The following KLHL1 variants were observed in gnomAD, a reference collection of about 807,000 sequenced individuals.
The protein encoded by KLHL1 is kelch-like protein 1.
In KLHL1, 47 loss-of-function variants were observed where a neutral mutation model predicts 77.7. That is an observed-to-expected ratio of 0.60 (90% CI 0.48 to 0.77). The LOEUF (loss-of-function observed/expected upper bound fraction) is 0.77. Among genes scored for constraint, KLHL1 ranks in the 30% least tolerant of loss-of-function variants. The probability of loss-of-function intolerance (pLI) is 0.00; values close to 1 mark genes in which losing one functional copy is unlikely to be tolerated. For missense variants in KLHL1, 925 were observed against 910.8 expected, an observed-to-expected ratio of 1.02 and a Z score of -0.20; for synonymous variants, 360 against 325.2, an observed-to-expected ratio of 1.11 and a Z score of -1.15.
intron 2 of KLHL1, among the ~76,000 whole-genome samples, chr13:69,969,993 CT>C (rs1884331977): frequency 6.6e-6 from 1 of 151,934 alleles, no homozygotes; most frequent in Non-Finnish European, 1.5e-5. Context: ...CCTCCCATTC[CT>C]TTTTTAAATC....
chr13:69,754,222 C>G (rs1029471735), intron 7 of KLHL1, among the ~76,000 whole-genome samples: 1 of 151,990 alleles, frequency 6.6e-6, no homozygotes, highest in African/African-American at 2.4e-5. Context: ...TAATGAGACT[C>G]AATATAATTT....
At chr13:70,052,949 CT>C (rs1886663054) in intron 1 of KLHL1, among the ~76,000 whole-genome samples, 1 of 151,908 alleles carries the variant, frequency 6.6e-6, no homozygotes, top group African/African-American at 2.4e-5. Context: ...ATGATATGGA[CT>C]CATGAAAAAA....
At chr13:69,726,453 A>G (rs529886059) in intron 8 of KLHL1, among the ~76,000 whole-genome samples, 15 of 152,282 alleles carry the variant, frequency 9.9e-5, no homozygotes, top group African/African-American at 3.6e-4. Context: ...GCTTTACAGG[A>G]CAGTGAGTGG....
At chr13:69,767,244 T>C (rs1012346516) in intron 7 of KLHL1, among the ~76,000 whole-genome samples, 24 of 152,186 alleles carry the variant, frequency 1.6e-4, no homozygotes, top group Admixed American at 4.6e-4. Context: ...TTTTAACTGA[T>C]GTAAAAATTC....
intron 6 of KLHL1, among the ~76,000 whole-genome samples, chr13:69,815,711 T>G (rs976675128): frequency 6.6e-6 from 1 of 151,778 alleles, no homozygotes; most frequent in Non-Finnish European, 1.5e-5. Flanking sequence ...AATCTAAAAT[T>G]TTTTAAAAAA....
intron 7 of KLHL1, among the ~76,000 whole-genome samples, chr13:69,746,033 T>C (rs1000486916): frequency 4.6e-5 from 7 of 151,736 alleles, no homozygotes; most frequent in African/African-American, 1.7e-4. Flanking sequence ...AGAACTTTTT[T>C]ATATATATTA....
chr13:70,017,816 G>A (rs1234426702), intron 1 of KLHL1, among the ~76,000 whole-genome samples: 1 of 152,168 alleles, frequency 6.6e-6, no homozygotes, highest in Non-Finnish European at 1.5e-5. Flanking sequence ...GTGAAATATT[G>A]TGGCTAAACC....
chr13:69,892,889 G>T (rs1234735100), intron 4 of KLHL1, among the ~76,000 whole-genome samples: 1 of 152,094 alleles, frequency 6.6e-6, no homozygotes, highest in Non-Finnish European at 1.5e-5. Flanking sequence ...AGGTCTAAAT[G>T]GTCTCCACAG....
At chr13:69,807,098 A>C (rs1436539929) in intron 6 of KLHL1, among the ~76,000 whole-genome samples, 1 of 152,156 alleles carries the variant, frequency 6.6e-6, no homozygotes, top group African/African-American at 2.4e-5. Flanking sequence ...ACATGAGTGC[A>C]ACTGTCACCT....
chr13:69,838,871 T>A, intron 6 of KLHL1, 105 bp downstream of exon 6: 1 of 639,954 alleles, frequency 1.6e-6, no homozygotes, highest in Middle Eastern at 4.6e-4. Flanking sequence ...TTACAATAAT[T>A]AAAGCTGAGT....
At chr13:70,085,650 G>T (rs1887517910) in intron 1 of KLHL1, among the ~76,000 whole-genome samples, 1 of 152,016 alleles carries the variant, frequency 6.6e-6, no homozygotes, top group South Asian at 2.1e-4. Flanking sequence ...GATCACCTGA[G>T]GTCAGGAGTT....
At chr13:70,057,389 C>T (rs964486773) in intron 1 of KLHL1, among the ~76,000 whole-genome samples, 2 of 141,726 alleles carry the variant, frequency 1.4e-5, no homozygotes, top group Non-Finnish European at 3.0e-5. Flanking sequence ...CAAATAATTC[C>T]AAAAACTATA....
intron 6 of KLHL1, among the ~76,000 whole-genome samples, chr13:69,800,224 G>C (rs1041865877): frequency 6.6e-5 from 10 of 152,142 alleles, no homozygotes; most frequent in African/African-American, 2.4e-4. Context: ...AGTTTAATCA[G>C]ACATAATGTA....
chr13:69,954,127 C>T (rs1323331640), intron 3 of KLHL1, among the ~76,000 whole-genome samples: 1 of 151,214 alleles, frequency 6.6e-6, no homozygotes, highest in African/African-American at 2.4e-5. Flanking sequence ...GAAATAGGTG[C>T]ATGCCAATTA....
intron 7 of KLHL1, among the ~76,000 whole-genome samples, chr13:69,774,553 A>G (rs765895844): frequency 7.2e-5 from 11 of 152,072 alleles, no homozygotes; most frequent in South Asian, 2.1e-4. Context: ...TTTATCTCAA[A>G]GTTTAAAATG....
At chr13:69,950,134 G>A (rs1189630468) in intron 3 of KLHL1, among the ~76,000 whole-genome samples, 1 of 151,642 alleles carries the variant, frequency 6.6e-6, no homozygotes, top group Non-Finnish European at 1.5e-5. Context: ...AAGAGAAACT[G>A]TTAGAAAAGT....
intron 8 of KLHL1, among the ~76,000 whole-genome samples, chr13:69,728,959 A>G (rs2137910527): frequency 6.6e-6 from 1 of 152,208 alleles, no homozygotes; most frequent in East Asian, 1.9e-4. Context: ...GCCTACTTAT[A>G]AGATGTGTTC....
intron 5 of KLHL1, among the ~76,000 whole-genome samples, chr13:69,850,214 C>A (rs528943559): frequency 6.6e-6 from 1 of 151,580 alleles, no homozygotes; most frequent in South Asian, 2.1e-4. Flanking sequence ...CATTACTCTT[C>A]TTCCTGTAAT....
intron 1 of KLHL1, among the ~76,000 whole-genome samples, chr13:69,981,348 AAG>A (rs1284108668): frequency 6.6e-6 from 1 of 152,114 alleles, no homozygotes; most frequent in Non-Finnish European, 1.5e-5. Flanking sequence ...GTGAGTCACT[AAG>A]AGAGTAACGA....
Sources: allele counts gnomAD v4.1 joint callset (sites outside exome capture counted in the v4.1 genomes callset), GRCh38; gene constraint gnomAD v4.1.1; transcripts MANE v1.5; gene names NCBI Gene and HGNC (gene_info 2026-07-23, HGNC 2026-07-21).